The following RBFOX1 variants were observed in gnomAD, a reference collection of about 807,000 sequenced individuals.
RBFOX1 encodes the protein RNA binding protein fox-1 homolog 1.
Under a neutral mutation model 57.7 loss-of-function variants are expected in RBFOX1, and 8 were observed. The ratio of observed to expected loss-of-function variants is 0.14; its 90% CI spans 0.08 to 0.25. The LOEUF is 0.25. Ranked by LOEUF, RBFOX1 falls within the 10% of genes least tolerant of loss-of-function variation. The pLI, the probability that RBFOX1 is intolerant of heterozygous loss-of-function variation, is 1.00. For missense variants in RBFOX1, 611 were observed against 548.5 expected, an observed-to-expected ratio of 1.11 and a Z score of -1.14; for synonymous variants, 326 against 222.4, an observed-to-expected ratio of 1.47 and a Z score of -4.15.
intron 2 of RBFOX1, among the ~76,000 whole-genome samples, chr16:6,388,217 C>T (rs750303828): frequency 4.6e-5 from 7 of 151,954 alleles, no homozygotes; most frequent in South Asian, 4.2e-4. Context: ...CCACCAACCT[C>T]GGCCTCCCAA....
chr16:6,302,286 C>G (rs971555367), intron 1 of RBFOX1, among the ~76,000 whole-genome samples: 1 of 152,046 alleles, frequency 6.6e-6, no homozygotes, highest in Admixed American at 6.6e-5. Flanking sequence ...TTCTCCCACA[C>G]GGAGATGCTG....
chr16:5,275,043 C>A (rs2063108496), intron 1 of RBFOX1, among the ~76,000 whole-genome samples: 1 of 152,220 alleles, frequency 6.6e-6, no homozygotes, highest in Non-Finnish European at 1.5e-5. Flanking sequence ...GGTTTCTATG[C>A]TGCTCTTGCC....
rs371826730 is a variant in RBFOX1, at chr16:6,443,765, A to G, written c.-64+126708A>G. On this transcript the variant is annotated intron_variant, in intron 2 of 15. Coordinates refer to ENST00000550418, the MANE Select transcript of RBFOX1 (RefSeq NM_018723.4). ...TTTCCATCTGTCCATCTACCCATCT[A>G]CCCATCTACCCACAATCTACCTGCC... Among the ~76,000 whole-genome samples the G allele has an allele frequency of 3.9e-5, 6 of 152,046 alleles. No individual in the cohort carries two copies. The East Asian group carries it at 5.8e-4, about 15-fold the overall frequency.
At chr16:6,353,770 T>C (rs1349786292) in intron 2 of RBFOX1, among the ~76,000 whole-genome samples, 1 of 152,148 alleles carries the variant, frequency 6.6e-6, no homozygotes, top group Non-Finnish European at 1.5e-5. Context: ...GTGAGTTTAA[T>C]CCACGTTGAG....
chr16:5,320,044 C>G (rs531218422), intron 1 of RBFOX1, among the ~76,000 whole-genome samples: 97 of 152,224 alleles, frequency 6.4e-4, no homozygotes, highest in Non-Finnish European at 1.2e-3. Context: ...AGCTATGTGC[C>G]CAGGAGGTAA....
At chr16:6,023,613 G>A (rs554350563) in intron 1 of RBFOX1, among the ~76,000 whole-genome samples, 10 of 152,310 alleles carry the variant, frequency 6.6e-5, no homozygotes, top group East Asian at 1.9e-4. Context: ...TCCCAGTGGC[G>A]TGTAAGGAGA....
chr16:7,277,339 T>C (rs1476166795), intron 4 of RBFOX1, among the ~76,000 whole-genome samples: 1 of 152,216 alleles, frequency 6.6e-6, no homozygotes, highest in Non-Finnish European at 1.5e-5. Flanking sequence ...ATGTGGTTTG[T>C]ATGTAGATAT....
chr16:7,605,929 C>G (rs1014571139), intron 9 of RBFOX1, among the ~76,000 whole-genome samples: 3 of 151,906 alleles, frequency 2.0e-5, no homozygotes, highest in Non-Finnish European at 4.4e-5. Context: ...ACCTCTGACT[C>G]CCAGCTTCAA....
At chr16:6,400,617 C>G (rs746551481) in intron 2 of RBFOX1, among the ~76,000 whole-genome samples, 5 of 152,338 alleles carry the variant, frequency 3.3e-5, no homozygotes, top group African/African-American at 1.2e-4. Flanking sequence ...GGCCTTGTAG[C>G]TCATGCCTGT....
chr16:5,888,209 G>A (rs931769948), intron 4 of RBFOX1, among the ~76,000 whole-genome samples: 7 of 152,124 alleles, frequency 4.6e-5, no homozygotes. Context: ...TGTTTCCTCT[G>A]CCGGGAATGG....
chr16:7,025,978 G>A lies in RBFOX1; in HGVS notation c.-15-26079G>A, dbSNP rs547067607. 2.6e-5 allele frequency among the ~76,000 whole-genome samples: 4 copies of A among 152,310 alleles called. No homozygotes were observed. In the East Asian group the frequency reaches 7.7e-4, roughly 30 times the overall value. On this transcript the variant is annotated intron_variant, in intron 3 of 15. Transcript: ENST00000550418. ...CCAGGTCTAGAATGGGCTGGTGCAG[G>A]TATCTGTAGACTGGTCATACTGGGT...
intron 1 of RBFOX1, among the ~76,000 whole-genome samples, chr16:6,229,299 C>T (rs776032015): frequency 6.6e-6 from 1 of 152,232 alleles, no homozygotes; most frequent in Non-Finnish European, 1.5e-5. Flanking sequence ...TGAACAGTCT[C>T]ATCGTTCTCC....
intron 3 of RBFOX1, among the ~76,000 whole-genome samples, chr16:6,996,130 A>G (rs1191720378): frequency 8.5e-5 from 13 of 152,208 alleles, no homozygotes; most frequent in Admixed American, 8.5e-4. Flanking sequence ...ATTTTATTGT[A>G]TCCTAATTAT....
chr16:7,355,977 C>G (rs890975742), intron 4 of RBFOX1, among the ~76,000 whole-genome samples: 7 of 152,176 alleles, frequency 4.6e-5, no homozygotes, highest in African/African-American at 1.7e-4. Context: ...AGGGCATTTA[C>G]TTGGGTAAAT....
At chr16:6,757,454 A>C (rs1252832823) in intron 3 of RBFOX1, among the ~76,000 whole-genome samples, 1 of 152,222 alleles carries the variant, frequency 6.6e-6, no homozygotes. Flanking sequence ...ACAGAATACT[A>C]TTCAGCCCTG....
At chr16:6,644,027 G>T (rs2098513399) in intron 2 of RBFOX1, among the ~76,000 whole-genome samples, 1 of 152,146 alleles carries the variant, frequency 6.6e-6, no homozygotes. Context: ...TAGGTAGGCT[G>T]AGGCAGGAGA....
intron 2 of RBFOX1, among the ~76,000 whole-genome samples, chr16:6,327,792 G>A (rs868251123): frequency 2.6e-5 from 4 of 152,142 alleles, no homozygotes; most frequent in Non-Finnish European, 2.9e-5. Context: ...CTTCTTGACC[G>A]ATCTGAGATG....
At chr16:6,823,441 G>C (rs906339418) in intron 3 of RBFOX1, among the ~76,000 whole-genome samples, 3 of 151,984 alleles carry the variant, frequency 2.0e-5, no homozygotes, top group Non-Finnish European at 4.4e-5. Context: ...ATTTTTAATA[G>C]AGATGGGGTT....
chr16:7,399,385 T>C (rs1158157006), intron 4 of RBFOX1, among the ~76,000 whole-genome samples: 2 of 152,118 alleles, frequency 1.3e-5, no homozygotes, highest in Non-Finnish European at 2.9e-5. Context: ...AGGCAGAGGT[T>C]GCAGTGAGCC....
Sources: gnomAD v4.1 joint callset for allele counts (sites outside exome capture counted in the v4.1 genomes callset) on GRCh38, gnomAD v4.1.1 for gene constraint, MANE v1.5 for transcripts, NCBI Gene and HGNC (gene_info 2026-07-23, HGNC 2026-07-21) for gene names.